Variants in IQCM observed in about 807,000 individuals in gnomAD.
IQCM encodes the protein IQ domain-containing protein M.
In IQCM, 45 loss-of-function variants were observed where a neutral mutation model predicts 57.6. That is an observed-to-expected ratio of 0.78 (90% CI 0.62 to 1.00). The LOEUF (loss-of-function observed/expected upper bound fraction) is 1.00, where lower values mean the gene tolerates loss of function less well. IQCM is among the 50% of genes least tolerant of loss of function. The pLI is 0.00. For synonymous variants in IQCM, 148 were observed against 158.9 expected (o/e 0.93, Z 0.51); for missense variants, 468 against 511.6 (o/e 0.91, Z 0.82).
chr4:149,525,893 AG>A (rs1389731933), intron 12 of IQCM, among the ~76,000 whole-genome samples: 1 of 151,856 alleles, frequency 6.6e-6, no homozygotes, highest in Non-Finnish European at 1.5e-5. Context: ...TGCATCAGTA[AG>A]AAAAAGACAA....
At chr4:149,777,949 C>T (rs1235530306) in intron 2 of IQCM, among the ~76,000 whole-genome samples, 1 of 152,084 alleles carries the variant, frequency 6.6e-6, no homozygotes, top group Non-Finnish European at 1.5e-5. Context: ...AGGCCCAAAC[C>T]AAACCAAAGC....
chr4:149,772,019 T>C (rs1179175894), intron 2 of IQCM, among the ~76,000 whole-genome samples: 1 of 152,194 alleles, frequency 6.6e-6, no homozygotes. Context: ...AAAAATGTCC[T>C]GGCTGAAATG....
At position 149,664,583 on chromosome 4, in the gene IQCM, TG is replaced by T. The variant is rs368859805; in HGVS notation, c.565+17534del. Among the ~76,000 whole-genome samples, 24 of 152,276 alleles carry T rather than the reference TG, an allele frequency of 1.6e-4. No individual in the cohort carries two copies. The East Asian group carries it at 4.5e-3, about 28-fold the overall frequency. ...TAATCCTCCTCATTATGTCTGTGAT[TG>T]TCTCAATGGCTAAGATGTGAGAGTT... is the stretch of plus-strand genomic sequence containing the variant. On this transcript the variant is annotated intron_variant, in intron 7 of 13. Transcript: ENST00000636793.
At chr4:149,454,596 C>T (rs1036731269) in intron 12 of IQCM, among the ~76,000 whole-genome samples, 13 of 151,928 alleles carry the variant, frequency 8.6e-5, no homozygotes, top group African/African-American at 2.7e-4. Flanking sequence ...TCAGCCTGCA[C>T]ATGTTCCTCT....
At chr4:149,547,583 G>C (rs1748580120) in intron 12 of IQCM, among the ~76,000 whole-genome samples, 1 of 152,102 alleles carries the variant, frequency 6.6e-6, no homozygotes, top group Admixed American at 6.5e-5. Context: ...TGTACAGCAT[G>C]GTGACTGTCG....
rs944362539 is a variant in IQCM at position 149,792,687 on chromosome 4, C to T, written c.-49+22624G>A. On this transcript the variant is annotated intron_variant, in intron 2 of 13. Transcript: ENST00000636793. ...ATCTTCATTTACCTTCTTTAGTATT[C>T]GACGTGTTTATAAACAGAAGCCATA... 3.9e-5 allele frequency among the ~76,000 whole-genome samples: 6 copies of T among 152,034 alleles called. No homozygotes were observed. In the South Asian group the frequency reaches 6.2e-4, roughly 16 times the overall value.
rs1371162105 is a variant in IQCM, at chr4:149,421,327, A to G, written c.1390+12069T>C. On this transcript the variant is annotated intron_variant, in intron 13 of 13. Coordinates refer to ENST00000636793, the MANE Select transcript of IQCM (RefSeq NM_001363507.2). ...TTTTGCACAGATATGTGTCGAACTT[A>G]CACTGAAAAAAAAGTGGGCCACACC... 7.2e-5 allele frequency among the ~76,000 whole-genome samples: 11 copies of G among 152,042 alleles called. 1 individual carries two copies. In the East Asian group the frequency reaches 2.1e-3, roughly 29 times the overall value.
chr4:149,467,859 C>T (rs1220774386), intron 12 of IQCM, among the ~76,000 whole-genome samples: 2 of 152,110 alleles, frequency 1.3e-5, no homozygotes, highest in East Asian at 3.9e-4. Flanking sequence ...CTCCCATTGG[C>T]TATACTTAAC....
At chr4:149,362,311 G>A (rs985500416) in intron 13 of IQCM, among the ~76,000 whole-genome samples, 2 of 152,070 alleles carry the variant, frequency 1.3e-5, no homozygotes, top group African/African-American at 2.4e-5. Flanking sequence ...ACTGTTGGGA[G>A]GGCATGATTG....
intron 11 of IQCM, among the ~76,000 whole-genome samples, chr4:149,550,882 C>T (rs1448581269): frequency 2.6e-5 from 4 of 152,106 alleles, no homozygotes; most frequent in African/African-American, 7.2e-5. Context: ...TATTCATTTA[C>T]CAATTTCTGT....
chr4:149,661,718 T>C (rs1157235361), intron 7 of IQCM, among the ~76,000 whole-genome samples: 1 of 152,088 alleles, frequency 6.6e-6, no homozygotes, highest in Non-Finnish European at 1.5e-5. Flanking sequence ...GTTTCTTCTA[T>C]ATTATCAAAT....
chr4:149,792,250 C>T (rs1289708700), intron 2 of IQCM, among the ~76,000 whole-genome samples: 1 of 152,010 alleles, frequency 6.6e-6, no homozygotes, highest in Non-Finnish European at 1.5e-5. Context: ...TTTTAATTCA[C>T]TAGAGAAAAT....
At chr4:149,400,462 T>C (rs1260642438) in intron 13 of IQCM, among the ~76,000 whole-genome samples, 1 of 152,052 alleles carries the variant, frequency 6.6e-6, no homozygotes, top group Non-Finnish European at 1.5e-5. Context: ...TCATATATTT[T>C]AAGAGCTGCC....
At chr4:149,576,934 C>T (rs1205133249) in intron 9 of IQCM, among the ~76,000 whole-genome samples, 1 of 151,922 alleles carries the variant, frequency 6.6e-6, no homozygotes, top group Non-Finnish European at 1.5e-5. Context: ...CCCATTCTTA[C>T]TGGTGTGAGA....
At chr4:149,499,777 T>C (rs1014380876) in intron 12 of IQCM, among the ~76,000 whole-genome samples, 11 of 152,146 alleles carry the variant, frequency 7.2e-5, no homozygotes, top group African/African-American at 2.2e-4. Context: ...ACACAATCCC[T>C]AGTAATGAAG....
chr4:149,807,716 G>GA (rs557154291), intron 2 of IQCM, among the ~76,000 whole-genome samples: 1 of 150,940 alleles, frequency 6.6e-6, no homozygotes, highest in South Asian at 2.1e-4. Context: ...ATATATAAGG[G>GA]AAAAAAAATT....
chr4:149,368,960 GT>G (rs1560779671), intron 13 of IQCM, among the ~76,000 whole-genome samples: 1 of 52,714 alleles, frequency 1.9e-5, no homozygotes, highest in African/African-American at 7.6e-5. Flanking sequence ...ATATATACAC[GT>G]GTATATATAT....
chr4:149,521,425 TA>T (rs543048582), intron 12 of IQCM, among the ~76,000 whole-genome samples: 40 of 152,260 alleles, frequency 2.6e-4, no homozygotes, highest in Middle Eastern at 3.4e-3. Context: ...ACAATTTCCA[TA>T]AAAAAAATCA....
intron 2 of IQCM, among the ~76,000 whole-genome samples, chr4:149,800,366 A>G (rs956261539): frequency 6.6e-6 from 1 of 151,964 alleles, no homozygotes; most frequent in Non-Finnish European, 1.5e-5. Flanking sequence ...TAAAAGCCAT[A>G]TATGACAGAC....
Sources: allele counts gnomAD v4.1 joint callset (sites outside exome capture counted in the v4.1 genomes callset), GRCh38; gene constraint gnomAD v4.1.1; transcripts MANE v1.5; gene names NCBI Gene and HGNC (gene_info 2026-07-23, HGNC 2026-07-21).